The following PRKACB variants were observed in gnomAD, a reference collection of about 807,000 sequenced individuals.
The protein encoded by PRKACB is protein kinase cAMP-activated catalytic subunit beta, also known as cAMP-dependent protein kinase catalytic subunit beta.
A neutral mutation model predicts 51.4 loss-of-function variants in PRKACB; 16 were observed. The ratio of observed to expected loss-of-function variants is 0.31; its 90% CI spans 0.21 to 0.47. The LOEUF is 0.47. Ranked by LOEUF, PRKACB falls within the 20% of genes least tolerant of loss-of-function variation. The probability of loss-of-function intolerance (pLI) is 1.00; values close to 1 mark genes in which losing one functional copy is unlikely to be tolerated. For missense variants in PRKACB, 309 were observed against 464.5 expected (o/e 0.67, Z 3.08); for synonymous variants, 147 against 154.4 (o/e 0.95, Z 0.35).
chr1:84,220,840 A>G (rs1237174649), intron 9 of PRKACB, among the ~76,000 whole-genome samples: 1 of 152,008 alleles, frequency 6.6e-6, no homozygotes, highest in Non-Finnish European at 1.5e-5. Context: ...GATTTTTGTT[A>G]GCTAGTGTTT....
intron 9 of PRKACB, among the ~76,000 whole-genome samples, chr1:84,215,836 A>C (rs1198566872): frequency 6.6e-6 from 1 of 152,092 alleles, no homozygotes; most frequent in Non-Finnish European, 1.5e-5. Context: ...GATGATTTGC[A>C]TGAATAAAGT....
chr1:84,197,847 T>G, intron 7 of PRKACB, 23 bp downstream of exon 7: 1 of 1,520,398 alleles, frequency 6.6e-7, no homozygotes, highest in Non-Finnish European at 9.1e-7. Flanking sequence ...TATCAACACA[T>G]AAGAAGTAGA....
Position 84,124,691 on chromosome 1 carries a change from G to A in PRKACB, c.46+46320G>A, listed in dbSNP as rs1651408161. Among the ~76,000 whole-genome samples, 5 of 152,194 alleles carry A rather than the reference G, an allele frequency of 3.3e-5. No individual in the cohort carries two copies. In the South Asian group the frequency reaches 1.0e-3, roughly 32 times the overall value. ...GAGGGTTCTCATGTGAGTGAAAGGA[G>A]TGACTATCCCATGCCCTGCACCATT... On this transcript the variant is annotated intron_variant, in intron 1 of 8. Transcript: ENST00000370688.
Position 84,235,172 on chromosome 1 carries a change from A to G in PRKACB, c.1072-8A>G, listed in dbSNP as rs200421141. On this transcript the variant is annotated splice_region_variant and splice_polypyrimidine_tract_variant and intron_variant, in intron 9 of 9. Coordinates refer to ENST00000370685, the MANE Select transcript of PRKACB (RefSeq NM_182948.4). ...TTTTTCTTATTTTTCTCTCCCTCTC[A>G]ATTATAGGTTGAAGCTCCATTCATA... 5.6e-6 allele frequency: 9 copies of G among 1,595,482 alleles called. No homozygotes were observed. Among genetic ancestry groups the G allele is most frequent in the Middle Eastern group, 3.4e-4 (2 of 5,968 alleles).
At chr1:84,086,337 G>A (rs559174606) in intron 1 of PRKACB, 2 of 718,426 alleles carry the variant, frequency 2.8e-6, no homozygotes, top group Admixed American at 4.4e-5. Flanking sequence ...CCAGGCTCCA[G>A]CCATGAGTGC....
rs554117802 is a variant in PRKACB, at chr1:84,156,183, A to G, written c.187+11635A>G. Among the ~76,000 whole-genome samples, 3 of 151,998 alleles carry G rather than the reference A, an allele frequency of 2.0e-5. No individual in the cohort carries two copies. In the South Asian group the frequency reaches 6.2e-4, roughly 32 times the overall value. The stretch of plus-strand genomic sequence containing the variant: ...TTTTTTAAGTTTATTTTTTGTAGAG[A>G]TGAGATCTTGCTGTGTTGCCCGGGC... On this transcript the variant is annotated intron_variant, in intron 1 of 9. Coordinates refer to ENST00000370685, the MANE Select transcript of PRKACB (RefSeq NM_182948.4).
chr1:84,202,672 G>A lies in PRKACB; in HGVS notation c.784-11G>A, dbSNP rs767176741. 1.3e-6 allele frequency: 2 copies of A among 1,587,596 alleles called. No homozygotes were observed. Among genetic ancestry groups the A allele is most frequent in the East Asian group, 4.5e-5 (2 of 44,274 alleles). On this transcript the variant is annotated splice_polypyrimidine_tract_variant and intron_variant, in intron 7 of 9. Coordinates refer to ENST00000370685, the MANE Select transcript of PRKACB (RefSeq NM_182948.4). Reference sequence around the variant, plus strand: ...TAAGTAACAATTGACATTGGTGTTGGTTTATCTCAGGGCTACAATAAGGCA... The same window carrying A: ...TAAGTAACAATTGACATTGGTGTTGATTTATCTCAGGGCTACAATAAGGCA...
intron 1 of PRKACB, among the ~76,000 whole-genome samples, chr1:84,176,338 A>G (rs554191583): frequency 6.6e-6 from 1 of 151,972 alleles, no homozygotes; most frequent in East Asian, 1.9e-4. Context: ...TTAAATAACC[A>G]GAGAAGAGAA....
chr1:84,171,689 C>A (rs1659528356), intron 1 of PRKACB, among the ~76,000 whole-genome samples: 1 of 151,512 alleles, frequency 6.6e-6, no homozygotes, highest in South Asian at 2.1e-4. Context: ...TTAGTCATAA[C>A]CTGAGCAGTA....
chr1:84,143,699 T>G (rs1387487978), upstream of PRKACB, among the ~76,000 whole-genome samples: 1 of 152,232 alleles, frequency 6.6e-6, no homozygotes, highest in Non-Finnish European at 1.5e-5. Flanking sequence ...ATTATAAGTT[T>G]GATAAGCAAT....
chr1:84,205,431 G>T (rs1365136727), intron 8 of PRKACB: 1 of 237,724 alleles, frequency 4.2e-6, no homozygotes, highest in Admixed American at 6.5e-5. Flanking sequence ...AATCCAATTT[G>T]GTCTTATATT....
At chr1:84,082,264 A>G (rs1647594954) in intron 1 of PRKACB, among the ~76,000 whole-genome samples, 1 of 152,212 alleles carries the variant, frequency 6.6e-6, no homozygotes, top group African/African-American at 2.4e-5. Context: ...TGTATCCAAT[A>G]GAATAGCCGA....
At chr1:84,205,400 T>A in intron 8 of PRKACB, 1 of 409,202 alleles carries the variant, frequency 2.4e-6, no homozygotes, top group Non-Finnish European at 3.3e-6. Context: ...TTAAATTTTT[T>A]AAATTGTGCA....
rs1488913788 is a variant in PRKACB at position 84,181,612 on chromosome 1, A to G, written c.250-588A>G. 7 of 1,204,020 alleles carry G rather than the reference A, an allele frequency of 5.8e-6. No individual in the cohort carries two copies. In the South Asian group the frequency reaches 6.0e-5, roughly 10 times the overall value. The allele number at this position is 1,204,020 out of a possible 1,614,324, so 74.6% of individuals were successfully genotyped here. A position where few individuals can be genotyped will look rare whatever the true frequency, so the allele number is the denominator to read the frequency against. On this transcript the variant is annotated intron_variant, in intron 2 of 9. Coordinates refer to ENST00000370685, the MANE Select transcript of PRKACB (RefSeq NM_182948.4). ...TTTCCTTATTGTTGTTGTTTTAGAT[A>G]ATACTGTGTTTTTATAATATAAAGA...
intron 9 of PRKACB, among the ~76,000 whole-genome samples, chr1:84,226,669 G>T (rs1261462395): frequency 6.6e-6 from 1 of 151,884 alleles, no homozygotes; most frequent in Admixed American, 6.6e-5. Context: ...ATATCATTTT[G>T]TCTGTTCCTT....
intron 1 of PRKACB, among the ~76,000 whole-genome samples, chr1:84,124,755 C>T (rs1441956904): frequency 6.6e-6 from 1 of 152,138 alleles, no homozygotes; most frequent in Non-Finnish European, 1.5e-5. Context: ...GAAGTTTCAT[C>T]TTCACATTTC....
At chr1:84,118,810 A>G (rs1302544062) in intron 1 of PRKACB, among the ~76,000 whole-genome samples, 5 of 152,112 alleles carry the variant, frequency 3.3e-5, no homozygotes, top group African/African-American at 1.2e-4. Flanking sequence ...GGAAGGTGGG[A>G]AGTCATTTCT....
intron 1 of PRKACB, among the ~76,000 whole-genome samples, chr1:84,081,741 A>C (rs896835348): frequency 3.1e-4 from 47 of 152,296 alleles, no homozygotes; most frequent in African/African-American, 1.1e-3. Flanking sequence ...AAAAAATACT[A>C]TACCTCCAGG....
At chr1:84,109,981 A>G (rs1232519805) in intron 1 of PRKACB, among the ~76,000 whole-genome samples, 3 of 151,850 alleles carry the variant, frequency 2.0e-5, no homozygotes, top group Non-Finnish European at 4.4e-5. Context: ...TGCCTTTGGT[A>G]TCATGCTTTA....
Sources: gnomAD v4.1 joint callset for allele counts (sites outside exome capture counted in the v4.1 genomes callset) on GRCh38, gnomAD v4.1.1 for gene constraint, MANE v1.5 for transcripts, NCBI Gene and HGNC (gene_info 2026-07-23, HGNC 2026-07-21) for gene names.